The following SUMF1 variants were observed in gnomAD, a reference collection of about 807,000 sequenced individuals.
SUMF1 encodes formylglycine-generating enzyme.
SUMF1 carries 48 observed loss-of-function variants against 47.6 expected under a neutral mutation model. That is an observed-to-expected ratio of 1.01 (90% CI 0.80 to 1.28). The LOEUF (loss-of-function observed/expected upper bound fraction) is 1.28, where lower values mean the gene tolerates loss of function less well. Among genes scored for constraint, SUMF1 ranks in the 50% most tolerant of loss-of-function variants. The pLI is 0.00. For missense variants in SUMF1, 571 were observed against 485.4 expected (o/e 1.18, Z -1.66); for synonymous variants, 230 against 192.1 (o/e 1.20, Z -1.63).
chr3:4,354,369 T>G (rs956192366), intron 8 of SUMF1, among the ~76,000 whole-genome samples: 1 of 152,216 alleles, frequency 6.6e-6, no homozygotes. Flanking sequence ...CAACAGACTA[T>G]CCTCCCTTTT....
intron 8 of SUMF1, among the ~76,000 whole-genome samples, chr3:4,213,049 GA>G (rs1695834212): frequency 6.6e-6 from 1 of 152,066 alleles, no homozygotes; most frequent in Admixed American, 6.6e-5. Context: ...TCAAATTCAG[GA>G]AATACAGAGA....
chr3:4,290,193 C>A (rs1373062270), intron 8 of SUMF1, among the ~76,000 whole-genome samples: 1 of 152,124 alleles, frequency 6.6e-6, no homozygotes, highest in Non-Finnish European at 1.5e-5. Context: ...CAGTATTTTC[C>A]ATCTTTTGTC....
chr3:4,432,730 G>A (rs896723159), intron 3 of SUMF1, among the ~76,000 whole-genome samples: 1 of 152,146 alleles, frequency 6.6e-6, no homozygotes, highest in African/African-American at 2.4e-5. Context: ...ATCACAGTCA[G>A]TTATAAATTT....
chr3:4,400,878 A>G (rs930043304), intron 7 of SUMF1, among the ~76,000 whole-genome samples: 4 of 152,056 alleles, frequency 2.6e-5, no homozygotes, highest in African/African-American at 7.2e-5. Context: ...GTTTTGTTAC[A>G]TATGTATACA....
chr3:4,241,309 A>G (rs1423479223), intron 8 of SUMF1, among the ~76,000 whole-genome samples: 1 of 152,124 alleles, frequency 6.6e-6, no homozygotes, highest in Non-Finnish European at 1.5e-5. Flanking sequence ...GTTCAGGATA[A>G]GGGGCTACCA....
intron 8 of SUMF1, among the ~76,000 whole-genome samples, chr3:4,127,020 C>T (rs1327932824): frequency 1.3e-5 from 2 of 152,106 alleles, no homozygotes; most frequent in Non-Finnish European, 2.9e-5. Context: ...AAGATTGCTT[C>T]CAAGGATTCC....
At chr3:4,454,241 T>C (rs793398) in intron 1 of SUMF1, among the ~76,000 whole-genome samples, 55,412 of 152,010 alleles carry the variant, frequency 0.36, 10,221 homozygotes, top group Non-Finnish European at 0.39. Context: ...AAGACAGCAA[T>C]TGGGGCTGCC....
chr3:4,415,217 A>T (rs1462067810), intron 6 of SUMF1, among the ~76,000 whole-genome samples: 1 of 128,940 alleles, frequency 7.8e-6, no homozygotes, highest in Non-Finnish European at 1.6e-5. Context: ...ACAGAGTAAG[A>T]CTCCATCTCA....
chr3:4,273,442 T>A (rs1041721935), intron 8 of SUMF1, among the ~76,000 whole-genome samples: 1 of 152,064 alleles, frequency 6.6e-6, no homozygotes, highest in African/African-American at 2.4e-5. Flanking sequence ...TGATTCCATT[T>A]ATATGAAATG....
chr3:4,093,067 G>C (rs1170027646), intron 8 of SUMF1, among the ~76,000 whole-genome samples: 1 of 152,070 alleles, frequency 6.6e-6, no homozygotes, highest in African/African-American at 2.4e-5. Context: ...TTCTGATCCT[G>C]GTTCTGTCAT....
intron 8 of SUMF1, among the ~76,000 whole-genome samples, chr3:4,145,273 T>G (rs557622363): frequency 6.6e-6 from 1 of 151,700 alleles, no homozygotes. Context: ...CGTTCATTGC[T>G]GAGTGCCAGA....
intron 7 of SUMF1, among the ~76,000 whole-genome samples, chr3:4,404,600 A>G (rs574931671): frequency 6.6e-6 from 1 of 152,266 alleles, no homozygotes; most frequent in East Asian, 1.9e-4. Flanking sequence ...TCGACTGAAA[A>G]TACAAAATTA....
chr3:4,101,370 A>G (rs1211993614), intron 8 of SUMF1, among the ~76,000 whole-genome samples: 2 of 152,164 alleles, frequency 1.3e-5, no homozygotes, highest in Admixed American at 6.5e-5. Flanking sequence ...GAGGGCCTGC[A>G]TTATATTAAG....
intron 8 of SUMF1, among the ~76,000 whole-genome samples, chr3:4,189,208 C>G (rs1158848546): frequency 6.6e-6 from 1 of 152,066 alleles, no homozygotes; most frequent in Non-Finnish European, 1.5e-5. Context: ...CAGGACAGAA[C>G]AGGAAAGCCT....
chr3:4,412,379 T>C (rs961686960), intron 6 of SUMF1, among the ~76,000 whole-genome samples: 1 of 152,192 alleles, frequency 6.6e-6, no homozygotes, highest in Non-Finnish European at 1.5e-5. Context: ...CATTCTCCTT[T>C]ACAAAAGTAG....
At chr3:4,376,831 T>C (rs1005707176) in intron 7 of SUMF1, among the ~76,000 whole-genome samples, 2 of 152,238 alleles carry the variant, frequency 1.3e-5, no homozygotes, top group Non-Finnish European at 2.9e-5. Context: ...GGTCTCCTTC[T>C]GTCACCCAGG....
chr3:4,186,497 TA>T (rs1406144036), intron 8 of SUMF1, among the ~76,000 whole-genome samples: 5 of 151,992 alleles, frequency 3.3e-5, no homozygotes, highest in Non-Finnish European at 5.9e-5. Context: ...ATTTAAGTAA[TA>T]GGGGGAATTC....
At position 4,316,941 on chromosome 3, in the gene SUMF1, A is replaced by G. The variant is rs567323473; in HGVS notation, c.1014+59389T>C. On this transcript the variant is annotated intron_variant and NMD_transcript_variant, in intron 8 of 12. Transcript: ENST00000448413. ...GGCATTGGTCAACAGAAAGGGCCCAATTCTTCTCCACGACAATGCCCGACC... is the reference window on the plus strand; with the variant it reads ...GGCATTGGTCAACAGAAAGGGCCCAGTTCTTCTCCACGACAATGCCCGACC... 1.2e-4 allele frequency: 190 copies of G among 1,549,368 alleles called. No homozygotes were observed. In the Middle Eastern group the frequency reaches 3.4e-3, roughly 28 times the overall value.
chr3:4,308,803 T>A (rs539238810), intron 8 of SUMF1, among the ~76,000 whole-genome samples: 2 of 152,242 alleles, frequency 1.3e-5, no homozygotes, highest in African/African-American at 4.8e-5. Context: ...TCTTTGTTCA[T>A]TGACCATTTA....
Sources: gnomAD v4.1 joint callset for allele counts (sites outside exome capture counted in the v4.1 genomes callset) on GRCh38, gnomAD v4.1.1 for gene constraint, MANE v1.5 for transcripts, NCBI Gene and HGNC (gene_info 2026-07-23, HGNC 2026-07-21) for gene names.